Variants in ATP2A2 observed in about 807,000 individuals in gnomAD.
ATP2A2 encodes sarcoplasmic/endoplasmic reticulum calcium ATPase 2.
Under a neutral mutation model 109.3 loss-of-function variants are expected in ATP2A2, and 14 were observed. That is an observed-to-expected ratio of 0.13 (90% CI 0.08 to 0.20). The LOEUF is 0.20. Ranked by LOEUF, ATP2A2 falls within the 10% of genes least tolerant of loss-of-function variation. ATP2A2 has a pLI of 1.00. For missense variants in ATP2A2, 657 were observed against 1,321.6 expected (o/e 0.50, Z 7.80); for synonymous variants, 506 against 490.9 (o/e 1.03, Z -0.41).
chr12:110,299,195 A>C (rs1264319068), intron 5 of ATP2A2, among the ~76,000 whole-genome samples: 1 of 151,616 alleles, frequency 6.6e-6, no homozygotes, highest in East Asian at 2.0e-4. Flanking sequence ...TGGTCTCTCA[A>C]ACTCCTGGGC....
chr12:110,301,584 C>G (rs557161820), intron 5 of ATP2A2, among the ~76,000 whole-genome samples: 37 of 152,288 alleles, frequency 2.4e-4, no homozygotes, highest in Middle Eastern at 3.4e-3. Flanking sequence ...CATCTCACAC[C>G]GCAGCTGTCA....
chr12:110,347,209 T>TTTAAATGTCTA lies in ATP2A2; in HGVS notation c.*740_*750dup, dbSNP rs1879960770. 5.0e-6 allele frequency: 6 copies of TTTAAATGTCTA among 1,193,778 alleles called. No homozygotes were observed. The highest frequency in any genetic ancestry group is 5.3e-6 in the Non-Finnish European group (5 of 945,110). The allele number at this position is 1,193,778 out of a possible 1,614,324, so 73.9% of individuals were successfully genotyped here. A position where few individuals can be genotyped will look rare whatever the true frequency, so the allele number is the denominator to read the frequency against. ...TTCACATAGTTTTTAAGGTTATTTA[T>TTTAAATGTCTA]TTAAATGTCTAATGTATTTTATTGT... On this transcript the variant is annotated 3_prime_UTR_variant, in exon 20 of 20. Transcript: ENST00000539276.
At chr12:110,290,580 C>A (rs1020202683) in intron 3 of ATP2A2, among the ~76,000 whole-genome samples, 14 of 152,176 alleles carry the variant, frequency 9.2e-5, no homozygotes, top group Non-Finnish European at 2.1e-4. Context: ...GGAATTATTA[C>A]ATCAAAAGAT....
At chr12:110,297,280 C>G (rs1192828291) in intron 5 of ATP2A2, among the ~76,000 whole-genome samples, 1 of 151,728 alleles carries the variant, frequency 6.6e-6, no homozygotes, top group Non-Finnish European at 1.5e-5. Context: ...ACTAAAAATG[C>G]AAAAATTAGC....
rs1592860339 is a variant in ATP2A2, at chr12:110,340,304, C to T, written c.1762-355C>T. 1.3e-5 allele frequency among the ~76,000 whole-genome samples: 2 copies of T among 151,934 alleles called. No homozygotes were observed. Among genetic ancestry groups the T allele is most frequent in the Admixed American group, 6.6e-5 (1 of 15,252 alleles). On this transcript the variant is annotated intron_variant, in intron 13 of 19. Transcript: ENST00000539276. The surrounding 1 kb of genome is among the most constrained non-coding windows in gnomAD (Gnocchi z 6.0). ...CTGTAATCTCAGCACTTTGGGAGGC[C>T]GAGGCTGGCAGATCACCTGGGGTTG...
intron 11 of ATP2A2, among the ~76,000 whole-genome samples, chr12:110,336,391 T>C (rs1232209875): frequency 6.6e-6 from 1 of 152,226 alleles, no homozygotes; most frequent in African/African-American, 2.4e-5. Flanking sequence ...TTAATGCTTT[T>C]TGTATGTCAT....
At chr12:110,338,061 C>T (rs1329864243) in intron 11 of ATP2A2, among the ~76,000 whole-genome samples, 2 of 152,180 alleles carry the variant, frequency 1.3e-5, no homozygotes, top group African/African-American at 4.8e-5. Flanking sequence ...TTGGCTTCCA[C>T]GATCCCATAC....
chr12:110,295,497 A>G (rs1272124552), intron 4 of ATP2A2, among the ~76,000 whole-genome samples: 2 of 152,210 alleles, frequency 1.3e-5, no homozygotes, highest in African/African-American at 4.8e-5. Context: ...TACAGTGCTC[A>G]TGGGATATTT....
Position 110,333,286 on chromosome 12 carries a change from A to G in ATP2A2, c.1287+3A>G, listed in dbSNP as rs376753206. 441 of 1,603,880 alleles carry G rather than the reference A, an allele frequency of 2.7e-4. 1 individual carries two copies. Among genetic ancestry groups the G allele is most frequent in the Non-Finnish European group, 3.4e-4 (398 of 1,170,852 alleles). On this transcript the variant is annotated splice_donor_region_variant and intron_variant, in intron 10 of 19. Transcript: ENST00000539276. Reference sequence around the variant, plus strand: ...ACTCTGCTTTGGATTACAATGAGGTAAGTCTCTTCATAAATTAGAAGGAAT... The same window carrying G: ...ACTCTGCTTTGGATTACAATGAGGTGAGTCTCTTCATAAATTAGAAGGAAT...
intron 5 of ATP2A2, among the ~76,000 whole-genome samples, chr12:110,303,646 G>A (rs550657279): frequency 3.3e-5 from 5 of 152,166 alleles, no homozygotes; most frequent in Admixed American, 6.5e-5. Flanking sequence ...CCCTGACCTC[G>A]TGATCCATCC....
At position 110,339,732 on chromosome 12, in the gene ATP2A2, GA is replaced by G. The variant is rs1395376782; in HGVS notation, c.1761+15del. On this transcript the variant is annotated intron_variant, in intron 13 of 19. Transcript: ENST00000539276. This position sits in a 1 kb window ranked among gnomAD's most constrained non-coding sequence, Gnocchi z 4.4. The stretch of plus-strand genomic sequence containing the variant: ...TTTATTAAATATGAGGTTAGCTAAT[GA>G]AAAGTTTCTTTGTCCACACCCTGCA... 6.2e-7 allele frequency: 1 copy of G among 1,613,078 alleles called. No homozygotes were observed. The highest frequency in any genetic ancestry group is 8.5e-7 in the Non-Finnish European group (1 of 1,179,546).
At position 110,340,669 on chromosome 12, in the gene ATP2A2, C is replaced by G; in HGVS notation, c.1772C>G (p.Thr591Ser). 1 of 1,614,148 alleles carries G rather than the reference C, an allele frequency of 6.2e-7. No homozygotes were observed. Among genetic ancestry groups the G allele is most frequent in the South Asian group, 1.1e-5 (1 of 91,076 alleles). Reference sequence around the variant, plus strand: ...ATGCTCTTATTTTAGACCAATCTGACCTTCGTTGGCTGCGTGGGCATGCTG... The same window carrying G: ...ATGCTCTTATTTTAGACCAATCTGAGCTTCGTTGGCTGCGTGGGCATGCTG... ...ANFIKYETNL[T>S]FVGCVGMLDP... Residue 591 changes from threonine to serine, a missense_variant, in exon 14 of 20, where the codon ACC becomes AGC. Thr to Ser is a moderately conservative substitution (Grantham distance 58). Transcript: ENST00000539276. The surrounding 1 kb of genome is among the most constrained non-coding windows in gnomAD (Gnocchi z 6.0).
intron 5 of ATP2A2, among the ~76,000 whole-genome samples, chr12:110,316,680 C>G (rs1348924118): frequency 1.3e-5 from 2 of 152,090 alleles, no homozygotes; most frequent in Non-Finnish European, 2.9e-5. Flanking sequence ...TCATGAAGAC[C>G]ATGCGAGTGT....
At chr12:110,299,813 G>A (rs892111807) in intron 5 of ATP2A2, among the ~76,000 whole-genome samples, 1 of 152,070 alleles carries the variant, frequency 6.6e-6, no homozygotes, top group Non-Finnish European at 1.5e-5. Flanking sequence ...TTGTAGAGAT[G>A]GGTCTTGCCA....
chr12:110,292,341 A>G (rs576424707), intron 4 of ATP2A2, among the ~76,000 whole-genome samples: 1 of 151,792 alleles, frequency 6.6e-6, no homozygotes, highest in Non-Finnish European at 1.5e-5. Context: ...GTCTCGGCTC[A>G]CTGCAACCTC....
chr12:110,288,874 A>G (rs775060760), intron 3 of ATP2A2, among the ~76,000 whole-genome samples: 2 of 152,076 alleles, frequency 1.3e-5, no homozygotes, highest in African/African-American at 4.8e-5. Context: ...CAGTAATGTC[A>G]CTCATCCAGT....
intron 4 of ATP2A2, among the ~76,000 whole-genome samples, chr12:110,294,332 T>C (rs1301474654): frequency 6.6e-6 from 1 of 152,108 alleles, no homozygotes; most frequent in Admixed American, 6.6e-5. Flanking sequence ...TGTGAGCCAC[T>C]GTGCCTGGCC....
rs78683811 is a variant in ATP2A2 at position 110,339,779 on chromosome 12, G to A, written c.1761+58G>A. ...CTGCACGATTCATTGTGTTTAAACA[G>A]TACTCCTTCAAGCAAAAGGTCAAAC... On this transcript the variant is annotated intron_variant, in intron 13 of 19. Transcript: ENST00000539276. The surrounding 1 kb of genome is among the most constrained non-coding windows in gnomAD (Gnocchi z 4.4). 1 of 1,557,022 alleles carries A rather than the reference G, an allele frequency of 6.4e-7. No homozygotes were observed. The highest frequency in any genetic ancestry group is 8.8e-7 in the Non-Finnish European group (1 of 1,131,574).
chr12:110,338,947 A>G (rs1265441771), intron 11 of ATP2A2, among the ~76,000 whole-genome samples: 1 of 152,052 alleles, frequency 6.6e-6, no homozygotes, highest in African/African-American at 2.4e-5. Flanking sequence ...GGTCTTCACC[A>G]CCACCCACTG....
Sources: allele counts gnomAD v4.1 joint callset (sites outside exome capture counted in the v4.1 genomes callset), GRCh38; gene constraint gnomAD v4.1.1; non-coding constraint Gnocchi (gnomAD v3.1); transcripts MANE v1.5; gene names NCBI Gene and HGNC (gene_info 2026-07-23, HGNC 2026-07-21).